AGTPBP1: variants seen among roughly 807,000 people sequenced by gnomAD.
The protein encoded by AGTPBP1 is cytosolic carboxypeptidase 1.
AGTPBP1 carries 70 observed loss-of-function variants against 143.9 expected under a neutral mutation model. The ratio of observed to expected loss-of-function variants is 0.49; its 90% CI spans 0.40 to 0.59. AGTPBP1 has a LOEUF of 0.59. AGTPBP1 is among the 20% of genes least tolerant of loss of function. The pLI, the probability that AGTPBP1 is intolerant of heterozygous loss-of-function variation, is 0.00. For missense variants in AGTPBP1, 1,229 were observed against 1,464.5 expected (o/e 0.84, Z 2.62); for synonymous variants, 463 against 500.2 (o/e 0.93, Z 0.99).
At chr9:85,618,845 T>C (rs1342268619) in intron 17 of AGTPBP1, 138 bp downstream of exon 17, 12 of 921,250 alleles carry the variant, frequency 1.3e-5, no homozygotes, top group South Asian at 3.8e-5. Flanking sequence ...AAATGTTGCA[T>C]AATATCTGAA....
At chr9:85,755,520 G>C in the AGTPBP1 span, among the ~76,000 whole-genome samples, 1 of 151,976 alleles carries the variant, frequency 6.6e-6, no homozygotes, top group Admixed American at 6.6e-5. Flanking sequence ...TCCATCATCT[G>C]TGTCTTCCAC....
the AGTPBP1 span, among the ~76,000 whole-genome samples, chr9:85,802,680 A>G: frequency 6.6e-6 from 1 of 152,348 alleles, no homozygotes; most frequent in East Asian, 1.9e-4. Flanking sequence ...CTCCAACTCA[A>G]TAGAAATATA....
At chr9:85,757,312 G>A in the AGTPBP1 span, among the ~76,000 whole-genome samples, 11 of 152,242 alleles carry the variant, frequency 7.2e-5, no homozygotes, top group Non-Finnish European at 1.5e-4. Context: ...TGATCCGCCT[G>A]TCTTGGCCTC....
chr9:85,687,751 C>T (rs1302142143), intron 3 of AGTPBP1, among the ~76,000 whole-genome samples: 3 of 151,988 alleles, frequency 2.0e-5, no homozygotes, highest in African/African-American at 7.2e-5. Flanking sequence ...TGAATGCCTC[C>T]AGTAGAAATA....
intron 3 of AGTPBP1, among the ~76,000 whole-genome samples, chr9:85,690,444 T>C (rs1835787857): frequency 6.6e-6 from 1 of 152,176 alleles, no homozygotes; most frequent in African/African-American, 2.4e-5. Context: ...AGAGGGTCAT[T>C]CTCTGATAGT....
intron 6 of AGTPBP1, among the ~76,000 whole-genome samples, chr9:85,673,632 T>G (rs1834631047): frequency 1.3e-5 from 2 of 152,142 alleles, no homozygotes; most frequent in African/African-American, 4.8e-5. Flanking sequence ...TTAAGATTTA[T>G]AGTAGACATT....
intron 25 of AGTPBP1, among the ~76,000 whole-genome samples, chr9:85,563,965 C>T (rs1048542727): frequency 6.6e-6 from 1 of 152,238 alleles, no homozygotes; most frequent in Non-Finnish European, 1.5e-5. Context: ...TGTGTGCTGT[C>T]TCTGCTGAGC....
chr9:85,689,620 C>A lies in AGTPBP1; in HGVS notation c.157+3069G>T, dbSNP rs573293261. Among the ~76,000 whole-genome samples the A allele has an allele frequency of 4.5e-4, 69 of 152,040 alleles. 1 individual carries two copies. The highest frequency in any genetic ancestry group is 2.0e-4 in the Admixed American group (3 of 15,264). On this transcript the variant is annotated intron_variant, in intron 3 of 25. Coordinates refer to ENST00000357081, the MANE Select transcript of AGTPBP1 (RefSeq NM_001330701.2). ...AGTTAAAATATATTTCTTGGCCGGG[C>A]ACAGTGGCTCACGCCTGTAATCCCA... is the stretch of plus-strand genomic sequence containing the variant.
chr9:85,576,803 T>TA (rs539458003), intron 24 of AGTPBP1, among the ~76,000 whole-genome samples: 331 of 152,290 alleles, frequency 2.2e-3, no homozygotes, highest in African/African-American at 7.6e-3. Context: ...TAAAGTCTAT[T>TA]AACTTTTTTA....
chr9:85,789,206 C>T, the AGTPBP1 span, among the ~76,000 whole-genome samples: 1 of 152,082 alleles, frequency 6.6e-6, no homozygotes, highest in South Asian at 2.1e-4. Flanking sequence ...TATGCAAACA[C>T]ACATATAAAT....
intron 13 of AGTPBP1, among the ~76,000 whole-genome samples, chr9:85,635,955 T>A (rs984276934): frequency 9.9e-5 from 15 of 152,164 alleles, no homozygotes; most frequent in Non-Finnish European, 1.5e-5. Context: ...TCACATGGAT[T>A]CGCAGCCTGA....
At chr9:85,637,309 C>T (rs1368043463) in intron 13 of AGTPBP1, among the ~76,000 whole-genome samples, 5 of 152,092 alleles carry the variant, frequency 3.3e-5, no homozygotes, top group Non-Finnish European at 7.4e-5. Flanking sequence ...TCTGAAAGTG[C>T]TGGGATTACA....
At chr9:85,755,469 A>G in the AGTPBP1 span, among the ~76,000 whole-genome samples, 1 of 152,060 alleles carries the variant, frequency 6.6e-6, no homozygotes, top group Non-Finnish European at 1.5e-5. Context: ...TAATTATTTG[A>G]GGTTGACAAG....
chr9:85,723,830 G>A (rs145811166), intron 1 of AGTPBP1, among the ~76,000 whole-genome samples: 262 of 152,246 alleles, frequency 1.7e-3, no homozygotes, highest in African/African-American at 5.8e-3. Context: ...CCTCCTCTGG[G>A]TTGACTGTCC....
intron 25 of AGTPBP1, among the ~76,000 whole-genome samples, chr9:85,562,154 G>A (rs886536725): frequency 3.3e-5 from 5 of 150,934 alleles, no homozygotes; most frequent in African/African-American, 9.7e-5. Flanking sequence ...CCAAGTGTCC[G>A]TTAAAATCAG....
At chr9:85,785,332 T>A in the AGTPBP1 span, among the ~76,000 whole-genome samples, 4 of 148,830 alleles carry the variant, frequency 2.7e-5, no homozygotes, top group Non-Finnish European at 5.9e-5. Context: ...AGACTCCGTC[T>A]CAAAAAAAAA....
chr9:85,626,297 T>C (rs1271856301), intron 14 of AGTPBP1, among the ~76,000 whole-genome samples: 3 of 152,192 alleles, frequency 2.0e-5, no homozygotes, highest in African/African-American at 4.8e-5. Context: ...TTTAAAACAG[T>C]GATTGCACAT....
intron 17 of AGTPBP1, among the ~76,000 whole-genome samples, chr9:85,607,399 A>G (rs563360116): frequency 6.6e-6 from 1 of 152,240 alleles, no homozygotes; most frequent in South Asian, 2.1e-4. Flanking sequence ...TTCTGACTGT[A>G]ACAAAAACCA....
chr9:85,625,904 G>GTTTTT (rs368474275), intron 14 of AGTPBP1, among the ~76,000 whole-genome samples: 16 of 105,724 alleles, frequency 1.5e-4, no homozygotes, highest in South Asian at 3.3e-4. Context: ...ACCTAGTTTT[G>GTTTTT]TTTTTTTTTT....
Sources: gnomAD v4.1 joint callset for allele counts (sites outside exome capture counted in the v4.1 genomes callset) on GRCh38, gnomAD v4.1.1 for gene constraint, MANE v1.5 for transcripts, NCBI Gene and HGNC (gene_info 2026-07-23, HGNC 2026-07-21) for gene names.